The following TNRC6B variants were observed in gnomAD, a reference collection of about 807,000 sequenced individuals.
TNRC6B encodes the protein trinucleotide repeat containing adaptor 6B.
In TNRC6B, 52 loss-of-function variants were observed where a neutral mutation model predicts 203.6. That is an observed-to-expected ratio of 0.26 (90% CI 0.20 to 0.32). The LOEUF (loss-of-function observed/expected upper bound fraction) is 0.32. Ranked by LOEUF, TNRC6B falls within the 10% of genes least tolerant of loss-of-function variation. The pLI is 1.00. For missense variants in TNRC6B, 1,923 were observed against 2,286.2 expected, an observed-to-expected ratio of 0.84 and a Z score of 3.24; for synonymous variants, 838 against 845.7, an observed-to-expected ratio of 0.99 and a Z score of 0.16.
chr22:40,216,391 A>T (rs2042704828), intron 1 of TNRC6B, among the ~76,000 whole-genome samples: 1 of 152,232 alleles, frequency 6.6e-6, no homozygotes, highest in Admixed American at 6.5e-5. Context: ...TCATGAGTGC[A>T]GGAACTAAGT....
At chr22:40,109,863 T>A (rs1011206033) in intron 1 of TNRC6B, among the ~76,000 whole-genome samples, 2 of 152,140 alleles carry the variant, frequency 1.3e-5, no homozygotes, top group African/African-American at 4.8e-5. Flanking sequence ...TTATATTTAG[T>A]GTAAGGCCCC....
At chr22:40,297,543 G>T (rs1168084914) in intron 12 of TNRC6B, among the ~76,000 whole-genome samples, 1 of 152,146 alleles carries the variant, frequency 6.6e-6, no homozygotes, top group Non-Finnish European at 1.5e-5. Flanking sequence ...AAATTTAAAG[G>T]CCAGGCACGG....
At chr22:40,248,222 T>A (rs1400991615) in intron 2 of TNRC6B, among the ~76,000 whole-genome samples, 1 of 152,228 alleles carries the variant, frequency 6.6e-6, no homozygotes, top group Non-Finnish European at 1.5e-5. Context: ...CCCTGTGGTT[T>A]CTGGGTTCTT....
intron 1 of TNRC6B, among the ~76,000 whole-genome samples, chr22:40,180,354 TATGAATGGCAG>T (rs973334192): frequency 6.6e-6 from 1 of 152,208 alleles, no homozygotes; most frequent in African/African-American, 2.4e-5. Flanking sequence ...TGTGTAAACA[TATGAATGGCAG>T]GTTAATTCAG....
chr22:40,228,785 A>G (rs550751814), intron 1 of TNRC6B, among the ~76,000 whole-genome samples: 56 of 151,922 alleles, frequency 3.7e-4, no homozygotes, highest in Admixed American at 9.2e-4. Context: ...CGGCCTCCCA[A>G]AGTGCTGGGA....
chr22:40,247,356 A>G (rs1441120588), intron 2 of TNRC6B, among the ~76,000 whole-genome samples: 1 of 152,196 alleles, frequency 6.6e-6, no homozygotes. Context: ...AAGACAGTCA[A>G]GGCAGTCACA....
chr22:40,241,184 A>G (rs1374095776), intron 1 of TNRC6B, among the ~76,000 whole-genome samples: 1 of 152,200 alleles, frequency 6.6e-6, no homozygotes, highest in African/African-American at 2.4e-5. Context: ...TGATTTTAAA[A>G]AGCCTCTTTT....
intron 1 of TNRC6B, among the ~76,000 whole-genome samples, chr22:40,046,324 T>C (rs2067687309): frequency 6.6e-6 from 1 of 152,214 alleles, no homozygotes; most frequent in African/African-American, 2.4e-5. Context: ...GCGCGCAGCA[T>C]TGCTGTAGGC....
chr22:40,200,212 A>G (rs1471712749), intron 1 of TNRC6B, among the ~76,000 whole-genome samples: 3 of 148,896 alleles, frequency 2.0e-5, no homozygotes, highest in Non-Finnish European at 3.0e-5. Flanking sequence ...TCTTGGTACT[A>G]TTCTTGCAAA....
intron 1 of TNRC6B, among the ~76,000 whole-genome samples, chr22:40,110,651 C>G (rs192086762): frequency 6.6e-6 from 1 of 152,200 alleles, no homozygotes; most frequent in African/African-American, 2.4e-5. Context: ...GTCATTCCTA[C>G]TTTGGACTGA....
At chr22:40,136,991 A>G (rs1258098252) in intron 3 of TNRC6B, among the ~76,000 whole-genome samples, 2 of 152,220 alleles carry the variant, frequency 1.3e-5, no homozygotes, top group African/African-American at 4.8e-5. Flanking sequence ...TAGTATTTGA[A>G]TGATCTGTTT....
intron 1 of TNRC6B, among the ~76,000 whole-genome samples, chr22:40,223,893 G>A (rs1160206335): frequency 3.3e-5 from 5 of 152,242 alleles, no homozygotes; most frequent in Non-Finnish European, 7.3e-5. Flanking sequence ...AATGGTATAT[G>A]TGAATGCCTT....
chr22:40,320,588 T>C (rs187522233), intron 21 of TNRC6B, among the ~76,000 whole-genome samples: 137 of 152,320 alleles, frequency 9.0e-4, no homozygotes, highest in African/African-American at 3.2e-3. Context: ...GCTGAAGATC[T>C]TAAGTGGTGA....
Position 40,264,921 on chromosome 22 carries a change from C to G in TNRC6B, c.691C>G (p.Leu231Val). The change falls in exon 5 of 23, where the codon CTG (leucine) becomes GTG (valine). Residue 231 changes from leucine (L) to valine (V), a missense_variant. By Grantham distance (32) the Leu-to-Val change is conservative. This residue lies in a region of TNRC6B where 614 missense variants were observed against 587.7 expected (regional missense o/e 1.04). Coordinates refer to ENST00000454349, the MANE Select transcript of TNRC6B (RefSeq NM_001162501.2). Reference sequence around the variant, plus strand: ...GAACCCTGGCTCTGAGAAGAGCACTCTGCCAGGAAGCACCACTAGTAACAA... The same window carrying G: ...GAACCCTGGCTCTGAGAAGAGCACTGTGCCAGGAAGCACCACTAGTAACAA... ...ASNPGSEKST[L>V]PGSTTSNKGK... The G allele has an allele frequency of 6.2e-7, 1 of 1,613,948 alleles. No individual in the cohort carries two copies. The highest frequency in any genetic ancestry group is 1.1e-5 in the South Asian group (1 of 91,058).
At chr22:40,316,518 C>T (rs1253733198) in intron 21 of TNRC6B, among the ~76,000 whole-genome samples, 1 of 151,908 alleles carries the variant, frequency 6.6e-6, no homozygotes, top group Non-Finnish European at 1.5e-5. Flanking sequence ...AAAAATTAGC[C>T]AGGCATGGTG....
At chr22:40,065,274 G>A (rs962968795) in intron 1 of TNRC6B, among the ~76,000 whole-genome samples, 2 of 152,036 alleles carry the variant, frequency 1.3e-5, no homozygotes, top group Non-Finnish European at 2.9e-5. Flanking sequence ...AGCCTTCTGA[G>A]TAGCTAAGAC....
At chr22:40,081,327 T>TG (rs66591205) in intron 1 of TNRC6B, among the ~76,000 whole-genome samples, 6 of 150,658 alleles carry the variant, frequency 4.0e-5, no homozygotes, top group Non-Finnish European at 8.9e-5. Context: ...TTTTTTTTTT[T>TG]GCACATACTT....
chr22:40,111,325 G>A (rs2143176), intron 1 of TNRC6B, among the ~76,000 whole-genome samples: 8,702 of 152,268 alleles, frequency 0.057, 798 homozygotes, highest in African/African-American at 0.19. Flanking sequence ...CTCGCCGACC[G>A]CAGTGGGAAT....
At chr22:40,151,880 G>GGA (rs397836448) in intron 3 of TNRC6B, among the ~76,000 whole-genome samples, 6 of 139,904 alleles carry the variant, frequency 4.3e-5, no homozygotes, top group African/African-American at 8.2e-5. Context: ...AAGAAAGAAA[G>GGA]AAGAAAGAAA....
Sources: allele counts gnomAD v4.1 joint callset (sites outside exome capture counted in the v4.1 genomes callset), GRCh38; gene constraint gnomAD v4.1.1; regional missense constraint gnomAD v4.1.1; transcripts MANE v1.5; gene names NCBI Gene and HGNC (gene_info 2026-07-23, HGNC 2026-07-21).